ZNF674: variants seen among roughly 807,000 people sequenced by gnomAD.
ZNF674 encodes the protein zinc finger protein 674.
ZNF674 carries 2 observed loss-of-function variants against 7.0 expected under a neutral mutation model. That is an observed-to-expected ratio of 0.29 (90% confidence interval 0.12 to 0.90). ZNF674 has a LOEUF of 0.90. Among genes scored for constraint, ZNF674 ranks in the 40% least tolerant of loss-of-function variants. The pLI is 0.57. For synonymous variants in ZNF674, 103 were observed against 145.2 expected, an observed-to-expected ratio of 0.71 and a Z score of 2.09; for missense variants, 297 against 415.5, an observed-to-expected ratio of 0.71 and a Z score of 2.48.
chrX:46,501,169 T>C lies in ZNF674; in HGVS notation c.405A>G (p.Lys135=). The part of the protein sequence containing the change: ...IYLNTDFVSV[K]QRLPKYYSWE... ...ATGAATAATATTTAGGGAGTCTTTG[T>C]TTTACAGAAACAAAGTCTGTGTTGA... Residue 135 remains lysine, a synonymous_variant, in exon 6 of 6, where the codon AAA becomes AAG. Coordinates refer to ENST00000683375, the MANE Select transcript of ZNF674 (RefSeq NM_001190417.2). The C allele has an allele frequency of 8.3e-7, 1 of 1,209,249 alleles. No homozygotes were observed. The highest frequency in any genetic ancestry group is 1.1e-6 in the Non-Finnish European group (1 of 894,068).
chrX:46,505,163 C>T (rs1161057725), intron 5 of ZNF674, among the ~76,000 whole-genome samples: 4 of 111,810 alleles, frequency 3.6e-5, no homozygotes, highest in Non-Finnish European at 5.6e-5. Flanking sequence ...GCTGGGATTA[C>T]AGGCGTGAGC....
chrX:46,539,982 C>T (rs990193337), intron 3 of ZNF674, among the ~76,000 whole-genome samples: 2 of 112,146 alleles, frequency 1.8e-5, no homozygotes, highest in Admixed American at 9.5e-5. Context: ...CGGGGGCTCA[C>T]GCCTGTAATC....
At position 46,543,455 on chromosome X, in the gene ZNF674, T is replaced by G. The variant is rs756609476; in HGVS notation, c.-30+1046A>C. Among the ~76,000 whole-genome samples the G allele has an allele frequency of 2.0e-4, 22 of 111,523 alleles. No homozygotes were observed. In the South Asian group the frequency reaches 3.0e-3, roughly 15 times the overall value. ...TGTGTATGAGTAAGATCTCTTCATGTGGTTTGGAGGAAGGAGCCCAACCAG... is the reference window on the plus strand; with the variant it reads ...TGTGTATGAGTAAGATCTCTTCATGGGGTTTGGAGGAAGGAGCCCAACCAG... On this transcript the variant is annotated intron_variant, in intron 2 of 5. Transcript: ENST00000683375.
At chrX:46,530,309 G>A (rs1942088469) in intron 3 of ZNF674, among the ~76,000 whole-genome samples, 1 of 111,731 alleles carries the variant, frequency 9.0e-6, no homozygotes, top group Non-Finnish European at 1.9e-5. Context: ...TCCAGGAGCT[G>A]TTAGCCCAAT....
At chrX:46,506,973 G>A (rs1007654611) in intron 5 of ZNF674, among the ~76,000 whole-genome samples, 6 of 111,400 alleles carry the variant, frequency 5.4e-5, no homozygotes, top group Non-Finnish European at 7.5e-5. Flanking sequence ...TGACACTGAG[G>A]AAACCCTTGA....
intron 5 of ZNF674, chrX:46,523,178 C>T: frequency 4.5e-6 from 1 of 220,310 alleles, no homozygotes; most frequent in Non-Finnish European, 8.5e-6. Flanking sequence ...CAATCAAAAG[C>T]TGGTTCTGTG....
At chrX:46,537,542 C>G (rs926285067) in intron 3 of ZNF674, among the ~76,000 whole-genome samples, 3 of 111,585 alleles carry the variant, frequency 2.7e-5, no homozygotes, top group Non-Finnish European at 5.6e-5. Flanking sequence ...AGTAAATATC[C>G]TTTCAAATGG....
chrX:46,533,625 G>T (rs1462926893), intron 3 of ZNF674, among the ~76,000 whole-genome samples: 2 of 106,101 alleles, frequency 1.9e-5, no homozygotes, highest in African/African-American at 6.9e-5. Context: ...AGCCAGGTGT[G>T]GTGGTGCACG....
At chrX:46,521,694 G>T (rs1320908854) in intron 5 of ZNF674, among the ~76,000 whole-genome samples, 1 of 110,239 alleles carries the variant, frequency 9.1e-6, no homozygotes, top group Non-Finnish European at 1.9e-5. Flanking sequence ...TTCAAGACCA[G>T]CCTGGCTGAC....
At chrX:46,519,231 T>C (rs985326878) in intron 5 of ZNF674, among the ~76,000 whole-genome samples, 5 of 70,009 alleles carry the variant, frequency 7.1e-5, no homozygotes, top group African/African-American at 1.7e-4. Flanking sequence ...GATAGATAGA[T>C]AGATAGATAG....
Position 46,501,117 on chromosome X carries a change from T to G in ZNF674, c.457A>C (p.Asn153His), listed in dbSNP as rs772382969. 1.7e-6 allele frequency: 2 copies of G among 1,206,380 alleles called. No homozygotes were observed. Among genetic ancestry groups the G allele is most frequent in the Non-Finnish European group, 2.2e-6 (2 of 892,337 alleles). ...SWERCSKHHL[N>H]FLGQNRSYVR... The stretch of plus-strand genomic sequence containing the variant: ...TAGCTTCTATTTTGACCAAGAAAGT[T>G]TAAATGATGTTTTGAACACCTTTCC... Residue 153 changes from asparagine to histidine, a missense_variant, in exon 6 of 6, where the codon AAC (asparagine) becomes CAC (histidine). Transcript: ENST00000683375.
At chrX:46,522,556 C>T (rs929339160) in intron 5 of ZNF674, among the ~76,000 whole-genome samples, 5 of 111,638 alleles carry the variant, frequency 4.5e-5, no homozygotes, top group Non-Finnish European at 5.6e-5. Flanking sequence ...ACTGTCTACT[C>T]AGGAGGCTGA....
Position 46,500,052 on chromosome X carries a change from TGA to T in ZNF674, c.1520_1521del (p.Leu507HisfsTer16), listed in dbSNP as rs1216404908. ...CKKAFSRKSTLIKHQRIHTGE... is the reference protein window; with the variant it reads ...CKKAFSRKSTXIKHQRIHTGE... ...CCTGTATGAATTCTCTGATGTTTGA[TGA>T]GAGTTGACTTCCTACTGAAGGCTTT... is the stretch of plus-strand genomic sequence containing the variant. On this transcript the variant is annotated frameshift_variant, in exon 6 of 6. Coordinates refer to ENST00000683375, the MANE Select transcript of ZNF674 (RefSeq NM_001190417.2). LOFTEE classifies it low-confidence loss of function (END_TRUNC). 1.7e-6 allele frequency: 2 copies of T among 1,209,731 alleles called. No homozygotes were observed. Among genetic ancestry groups the T allele is most frequent in the Non-Finnish European group, 2.2e-6 (2 of 894,954 alleles).
chrX:46,516,341 T>C (rs1251994492), intron 5 of ZNF674, among the ~76,000 whole-genome samples: 1 of 112,059 alleles, frequency 8.9e-6, no homozygotes, highest in African/African-American at 3.2e-5. Flanking sequence ...CTTTTATCCC[T>C]CATATTCTCT....
At chrX:46,524,385 C>T (rs915580735) in intron 5 of ZNF674, among the ~76,000 whole-genome samples, 3 of 111,741 alleles carry the variant, frequency 2.7e-5, no homozygotes, top group Non-Finnish European at 5.6e-5. Flanking sequence ...TAATGAAAGG[C>T]TGGTTCAGTA....
At chrX:46,519,317 A>AGATG (rs1941860877) in intron 5 of ZNF674, among the ~76,000 whole-genome samples, 1 of 108,994 alleles carries the variant, frequency 9.2e-6, no homozygotes, top group South Asian at 3.9e-4. Flanking sequence ...ATAGATAGAT[A>AGATG]GATAGATAGG....
chrX:46,542,951 T>G (rs1213578945), intron 2 of ZNF674, among the ~76,000 whole-genome samples: 3 of 101,888 alleles, frequency 2.9e-5, no homozygotes, highest in Non-Finnish European at 6.1e-5. Flanking sequence ...CATTTATTCT[T>G]TTTTTTGTTT....
chrX:46,533,859 C>G (rs1432784477), intron 3 of ZNF674, among the ~76,000 whole-genome samples: 24 of 87,858 alleles, frequency 2.7e-4, no homozygotes, highest in African/African-American at 1.2e-3. Flanking sequence ...TATATACACA[C>G]ACACACACAT....
intron 2 of ZNF674, among the ~76,000 whole-genome samples, chrX:46,543,805 T>C (rs189029542): frequency 8.9e-6 from 1 of 112,772 alleles, no homozygotes; most frequent in Admixed American, 9.4e-5. Flanking sequence ...GCAGGTCATG[T>C]CCCCTGGCCC....
Sources: gnomAD v4.1 joint callset for allele counts (sites outside exome capture counted in the v4.1 genomes callset) on GRCh38, gnomAD v4.1.1 for gene constraint, MANE v1.5 for transcripts, NCBI Gene and HGNC (gene_info 2026-07-23, HGNC 2026-07-21) for gene names.